The following SYNE2 variants were observed in gnomAD, a reference collection of about 807,000 sequenced individuals.
SYNE2 encodes the protein spectrin repeat containing nuclear envelope protein 2.
Under a neutral mutation model 856.3 loss-of-function variants are expected in SYNE2, and 431 were observed. The observed-to-expected ratio is 0.50, with a 90% CI of 0.47 to 0.55. The LOEUF (loss-of-function observed/expected upper bound fraction) is 0.55. Ranked by LOEUF, SYNE2 falls within the 20% of genes least tolerant of loss-of-function variation. The probability of loss-of-function intolerance (pLI) is 0.00; values close to 1 mark genes in which losing one functional copy is unlikely to be tolerated. For synonymous variants in SYNE2, 2,923 were observed against 2,872.3 expected, an observed-to-expected ratio of 1.02 and a Z score of -0.56; for missense variants, 8,129 against 8,023.2, an observed-to-expected ratio of 1.01 and a Z score of -0.50.
At chr14:64,203,549 C>G (rs1482287415) in intron 100 of SYNE2, among the ~76,000 whole-genome samples, 2 of 152,238 alleles carry the variant, frequency 1.3e-5, no homozygotes, top group Non-Finnish European at 2.9e-5. Context: ...ATTGTACCCA[C>G]CTGACAGGTG....
In SYNE2 at chr14:64,167,252, C is replaced by T. The variant is rs1205263147; in HGVS notation, c.16625C>T (p.Thr5542Ile). The change falls in exon 91 of 116, where the codon ACA becomes ATA. Residue 5542 changes from threonine to isoleucine, a missense_variant. Thr to Ile is a moderately conservative substitution (Grantham distance 89). Around this residue, in one of 3 missense-constraint regions of SYNE2, gnomAD observed 5,410 missense variants for 5,284.8 expected, o/e 1.02. Transcript: ENST00000555002. ...AAATAGAATCATGTGCTGGCACTGA[C>T]AGCCCAATCACCTGATATTGAACAT... is the stretch of plus-strand genomic sequence containing the variant. ...DSFLNHVLAL[T>I]AQSPDIEHLN... 15 of 1,614,074 alleles carry T rather than the reference C, an allele frequency of 9.3e-6. No homozygotes were observed. The highest frequency in any genetic ancestry group is 1.3e-5 in the Non-Finnish European group (15 of 1,180,050).
chr14:63,840,052 C>A (rs776217534), intron 1 of SYNE2, among the ~76,000 whole-genome samples: 1 of 152,078 alleles, frequency 6.6e-6, no homozygotes. Flanking sequence ...GTGGATCACC[C>A]GAGTTCAGGA....
At position 64,081,440 on chromosome 14, in the gene SYNE2, C is replaced by G; in HGVS notation, c.11347-3C>G. On this transcript the variant is annotated splice_polypyrimidine_tract_variant and splice_region_variant and intron_variant, in intron 56 of 115. Transcript: ENST00000555002. ...TAAGTTTGGTCCTGCATCTCTTTCC[C>G]AGGCCACAGTTAAGATGGAGGAATA... is the stretch of plus-strand genomic sequence containing the variant. 1 of 1,614,094 alleles carries G rather than the reference C, an allele frequency of 6.2e-7. No individual in the cohort carries two copies. The highest frequency in any genetic ancestry group is 8.5e-7 in the Non-Finnish European group (1 of 1,180,004).
chr14:64,117,053 G>A (rs746695336), intron 66 of SYNE2, among the ~76,000 whole-genome samples: 12 of 152,106 alleles, frequency 7.9e-5, no homozygotes, highest in Non-Finnish European at 1.8e-4. Context: ...TTGTCTGTGG[G>A]GGTTGTGTTA....
rs1195658345 is a variant in SYNE2, at chr14:64,024,893, A to T, written c.5841-19A>T. 4.3e-6 allele frequency: 7 copies of T among 1,613,558 alleles called. No homozygotes were observed. The South Asian group carries it at 7.7e-5, about 18-fold the overall frequency. ...CTTTTTGCTTATTTTGTATTTAAAC[A>T]TGTGTAATGCTCTTTTAGACTCCAG... On this transcript the variant is annotated intron_variant, in intron 39 of 115. Transcript: ENST00000555002.
Position 63,828,828 on chromosome 14 carries a change from G to A in SYNE2, c.-304-23673G>A, listed in dbSNP as rs77446356. 2.2e-3 allele frequency among the ~76,000 whole-genome samples: 331 copies of A among 152,190 alleles called. 8 individuals carry two copies. In the East Asian group the frequency reaches 0.049, roughly 22 times the overall value. On this transcript the variant is annotated intron_variant, in intron 1 of 23. Transcript: ENST00000674003. ...CTATGCCATTCTGTATAAGTGAGAC[G>A]AGCATCCTTGCATTTTGGTATCATC...
rs776523955 is a variant in SYNE2 at position 64,030,047 on chromosome 14, G to A, written c.6867G>A (p.Leu2289=). ...ATCAAATAGCGGTTGAGGAAAAATT[G>A]CAGAAACTGCAGGTACTAAACGGTG... ...PVDQIAVEEK[L]QKLQELENRL... is the part of the protein sequence containing the mutation. Residue 2289 remains leucine, a synonymous_variant, in exon 44 of 116, where the codon TTG becomes TTA. Coordinates refer to ENST00000555002, the MANE Select transcript of SYNE2 (RefSeq NM_182914.3). The A allele has an allele frequency of 2.5e-6, 4 of 1,613,838 alleles. No homozygotes were observed. Among genetic ancestry groups the A allele is most frequent in the Admixed American group, 1.7e-5 (1 of 60,000 alleles).
At position 63,954,769 on chromosome 14, in the gene SYNE2, T is replaced by A. The variant is rs1185713240; in HGVS notation, c.641T>A (p.Met214Lys). 14 of 1,613,986 alleles carry A rather than the reference T, an allele frequency of 8.7e-6. No individual in the cohort carries two copies. The African/African-American group carries it at 1.7e-4, about 20-fold the overall frequency. The change falls in exon 8 of 116, where the codon ATG becomes AAG. Residue 214 changes from methionine to lysine, a missense_variant. By Grantham distance (95) the Met-to-Lys change is moderately conservative (BLOSUM62 -1). This residue lies in a region of SYNE2 where 2,422 missense variants were observed against 2,357.4 expected (regional missense o/e 1.03). Coordinates refer to ENST00000555002, the MANE Select transcript of SYNE2 (RefSeq NM_182914.3). ...TDFKSSWRNGMAFLAIIHALR... is the reference protein window; with the variant it reads ...TDFKSSWRNGKAFLAIIHALR... ...TTTAAGTCAAGTTGGAGAAATGGGATGGCTTTTTTGGCCATCATTCATGCC... is the reference window on the plus strand; with the variant it reads ...TTTAAGTCAAGTTGGAGAAATGGGAAGGCTTTTTTGGCCATCATTCATGCC...
At chr14:63,927,484 G>A (rs1310496409) in intron 2 of SYNE2, among the ~76,000 whole-genome samples, 4 of 152,164 alleles carry the variant, frequency 2.6e-5, no homozygotes, top group African/African-American at 4.8e-5. Context: ...TGAATTGTAG[G>A]TGCAGCTTCC....
At chr14:63,795,727 A>G (rs1887895335) in intron 1 of SYNE2, among the ~76,000 whole-genome samples, 1 of 152,186 alleles carries the variant, frequency 6.6e-6, no homozygotes, top group African/African-American at 2.4e-5. Flanking sequence ...TGTGATTCAT[A>G]ATAGCCAAGA....
chr14:64,223,885 G>A (rs1207067717), intron 113 of SYNE2, among the ~76,000 whole-genome samples: 1 of 152,152 alleles, frequency 6.6e-6, no homozygotes, highest in Non-Finnish European at 1.5e-5. Context: ...TCACCGACCT[G>A]TGATGAGCTC....
intron 42 of SYNE2, among the ~76,000 whole-genome samples, chr14:64,027,002 T>A (rs2096985586): frequency 6.6e-6 from 1 of 152,340 alleles, no homozygotes; most frequent in East Asian, 1.9e-4. Flanking sequence ...CTGAATCCAA[T>A]GGATGTAATT....
In SYNE2 at chr14:64,225,073, G is replaced by A. The variant is rs780339375; in HGVS notation, c.20516+28G>A. On this transcript the variant is annotated intron_variant, in intron 115 of 115. Coordinates refer to ENST00000555002, the MANE Select transcript of SYNE2 (RefSeq NM_182914.3). ...AACGGGGCTTTACCGTGACAGCAGT[G>A]CGTTCCCCTGCTCCACACTCCCACT... is the stretch of plus-strand genomic sequence containing the variant. 1.1e-5 allele frequency: 18 copies of A among 1,612,382 alleles called. No homozygotes were observed. The South Asian group carries it at 2.0e-4, about 18-fold the overall frequency.
intron 6 of SYNE2, among the ~76,000 whole-genome samples, chr14:63,944,824 CTTTTTTTT>C (rs55906748): frequency 4.5e-4 from 21 of 46,948 alleles, no homozygotes; most frequent in Non-Finnish European, 5.8e-4. Flanking sequence ...GGGCTTAAAG[CTTTTTTTT>C]TTTTTTTTTT....
At chr14:64,191,085 C>T (rs1170746293) in intron 99 of SYNE2, 1 of 694,736 alleles carries the variant, frequency 1.4e-6, no homozygotes, top group South Asian at 1.5e-5. Flanking sequence ...TACAGGAGAA[C>T]CTATAAGGTG....
At chr14:64,157,625 C>A (rs1427983084) in intron 85 of SYNE2, among the ~76,000 whole-genome samples, 1 of 152,088 alleles carries the variant, frequency 6.6e-6, no homozygotes, top group East Asian at 1.9e-4. Flanking sequence ...GGTCATATGG[C>A]AACTCTATTT....
At position 64,122,296 on chromosome 14, in the gene SYNE2, T is replaced by C; in HGVS notation, c.13291T>C (p.Ser4431Pro). The C allele has an allele frequency of 6.2e-7, 1 of 1,614,170 alleles. No homozygotes were observed. The highest frequency in any genetic ancestry group is 1.3e-5 in the African/African-American group (1 of 75,040). The change falls in exon 70 of 116, where the codon TCC becomes CCC. Residue 4431 changes from serine (S) to proline (P), a missense_variant. This residue lies in a region of SYNE2 where 5,410 missense variants were observed against 5,284.8 expected (regional missense o/e 1.02). Transcript: ENST00000555002. ...GTTCTTCTTCAAAAGCAACCAGGCA[T>C]CCAGCCCTGAAAATGACGTTCCAGA... ...TQESSASNQA[S>P]SPENDVPDSI...
intron 1 of SYNE2, among the ~76,000 whole-genome samples, chr14:63,807,922 G>A (rs1193871509): frequency 7.3e-6 from 1 of 137,316 alleles, no homozygotes; most frequent in Non-Finnish European, 1.6e-5. Context: ...GTTCTTCTGT[G>A]GTGATTTCTG....
intron 2 of SYNE2, among the ~76,000 whole-genome samples, chr14:63,940,178 A>G (rs1261208984): frequency 1.3e-5 from 2 of 151,078 alleles, no homozygotes; most frequent in Non-Finnish European, 2.9e-5. Context: ...CCTGGGCTCA[A>G]GCCATCTTCC....
Sources: allele counts gnomAD v4.1 joint callset (sites outside exome capture counted in the v4.1 genomes callset), GRCh38; gene constraint gnomAD v4.1.1; regional missense constraint gnomAD v4.1.1; transcripts MANE v1.5; gene names NCBI Gene and HGNC (gene_info 2026-07-23, HGNC 2026-07-21).